KCNH7: variants seen among roughly 807,000 people sequenced by gnomAD.
KCNH7 encodes potassium voltage-gated channel subfamily H member 7.
A neutral mutation model predicts 120.8 loss-of-function variants in KCNH7; 49 were observed. That is an observed-to-expected ratio of 0.41 (90% CI 0.32 to 0.51). KCNH7 has a LOEUF of 0.51. Among genes scored for constraint, KCNH7 ranks in the 20% least tolerant of loss-of-function variants. The pLI is 0.38. For missense variants in KCNH7, 1,097 were observed against 1,446.6 expected (o/e 0.76, Z 3.92); for synonymous variants, 547 against 516.1 (o/e 1.06, Z -0.81).
chr2:162,600,550 A>G (rs1328147102), intron 2 of KCNH7, among the ~76,000 whole-genome samples: 1 of 152,132 alleles, frequency 6.6e-6, no homozygotes, highest in African/African-American at 2.4e-5. Flanking sequence ...ACAAGCCCCT[A>G]AATGCTCTAA....
chr2:162,459,467 T>C (rs1462407490), intron 6 of KCNH7, among the ~76,000 whole-genome samples: 1 of 152,140 alleles, frequency 6.6e-6, no homozygotes, highest in East Asian at 1.9e-4. Flanking sequence ...CCCAGCCCCA[T>C]TTGCAATCAG....
intron 2 of KCNH7, among the ~76,000 whole-genome samples, chr2:162,679,288 G>A (rs886973974): frequency 6.6e-6 from 1 of 151,640 alleles, no homozygotes; most frequent in Non-Finnish European, 1.5e-5. Context: ...TCATCCCAGA[G>A]AACTGTTCAA....
chr2:162,577,337 C>T (rs915651908), intron 2 of KCNH7, among the ~76,000 whole-genome samples: 1 of 122,534 alleles, frequency 8.2e-6, no homozygotes, highest in African/African-American at 2.9e-5. Context: ...ATCTGTCTAT[C>T]ATCTATCCAT....
At chr2:162,709,587 A>C (rs1312256955) in intron 2 of KCNH7, among the ~76,000 whole-genome samples, 1 of 152,126 alleles carries the variant, frequency 6.6e-6, no homozygotes, top group Non-Finnish European at 1.5e-5. Context: ...TAAACTTGGA[A>C]TTCAAGGTCC....
chr2:162,536,886 A>C, intron 3 of KCNH7, 39 bp downstream of exon 3: 1 of 1,564,360 alleles, frequency 6.4e-7, no homozygotes, highest in South Asian at 1.1e-5. Context: ...CAGTAGCAGA[A>C]TTATCAAGAG....
intron 2 of KCNH7, among the ~76,000 whole-genome samples, chr2:162,739,668 G>T (rs1688052054): frequency 1.3e-5 from 2 of 152,156 alleles, no homozygotes; most frequent in African/African-American, 4.8e-5. Flanking sequence ...TCCTGAGTGA[G>T]ACCTGATCAT....
intron 2 of KCNH7, among the ~76,000 whole-genome samples, chr2:162,809,431 T>A (rs1410201821): frequency 2.0e-5 from 3 of 152,174 alleles, no homozygotes; most frequent in African/African-American, 7.2e-5. Context: ...TAGAAATTAT[T>A]GTTCTGCCTC....
At chr2:162,677,209 G>A (rs1685557436) in intron 2 of KCNH7, among the ~76,000 whole-genome samples, 2 of 151,366 alleles carry the variant, frequency 1.3e-5, no homozygotes, top group Admixed American at 1.3e-4. Context: ...TTTATTGTTT[G>A]GCCATTAATT....
At chr2:162,513,533 T>G (rs1408437336) in intron 4 of KCNH7, among the ~76,000 whole-genome samples, 1 of 142,764 alleles carries the variant, frequency 7.0e-6, no homozygotes, top group African/African-American at 2.5e-5. Context: ...TTTCTTCCTT[T>G]CAGGACAAGG....
At chr2:162,683,564 A>G (rs1361745603) in intron 2 of KCNH7, among the ~76,000 whole-genome samples, 1 of 151,904 alleles carries the variant, frequency 6.6e-6, no homozygotes, top group Non-Finnish European at 1.5e-5. Context: ...AGACATTTCT[A>G]ATAAGAGACA....
At chr2:162,657,302 C>A (rs984649211) in intron 2 of KCNH7, among the ~76,000 whole-genome samples, 7 of 152,156 alleles carry the variant, frequency 4.6e-5, no homozygotes, top group African/African-American at 1.4e-4. Flanking sequence ...CCTCTGTTCT[C>A]CACTCTATTC....
At chr2:162,633,963 A>C (rs1226635506) in intron 2 of KCNH7, among the ~76,000 whole-genome samples, 1 of 152,060 alleles carries the variant, frequency 6.6e-6, no homozygotes, top group East Asian at 1.9e-4. Context: ...TAACTTATAT[A>C]AGTTTGACAA....
chr2:162,444,407 C>A (rs1306432668), intron 7 of KCNH7, among the ~76,000 whole-genome samples: 1 of 152,128 alleles, frequency 6.6e-6, no homozygotes, highest in African/African-American at 2.4e-5. Context: ...TAGGTTTCAA[C>A]AGTCTCATTC....
intron 9 of KCNH7, among the ~76,000 whole-genome samples, chr2:162,415,165 A>G (rs1351172828): frequency 6.6e-6 from 1 of 152,026 alleles, no homozygotes; most frequent in African/African-American, 2.4e-5. Context: ...AAAAACAAAA[A>G]ACAAAAAAAC....
intron 2 of KCNH7, among the ~76,000 whole-genome samples, chr2:162,721,450 G>A (rs1473422300): frequency 6.6e-6 from 1 of 152,014 alleles, no homozygotes; most frequent in African/African-American, 2.4e-5. Context: ...ACTAAAAGAT[G>A]CAGACACTAA....
At chr2:162,799,466 A>G (rs888260616) in intron 2 of KCNH7, among the ~76,000 whole-genome samples, 6 of 152,044 alleles carry the variant, frequency 3.9e-5, no homozygotes, top group African/African-American at 1.4e-4. Flanking sequence ...TAAGGTAAAT[A>G]TTAATATATC....
At chr2:162,758,718 A>T (rs1022637416) in intron 2 of KCNH7, among the ~76,000 whole-genome samples, 2 of 152,088 alleles carry the variant, frequency 1.3e-5, no homozygotes, top group Non-Finnish European at 1.5e-5. Flanking sequence ...TCCTATACCA[A>T]AGGCTTTATA....
At chr2:162,813,576 A>AT (rs1464755338) in intron 2 of KCNH7, among the ~76,000 whole-genome samples, 2 of 152,198 alleles carry the variant, frequency 1.3e-5, no homozygotes, top group African/African-American at 2.4e-5. Context: ...GGATTTAATG[A>AT]TTTTTTATCC....
intron 2 of KCNH7, among the ~76,000 whole-genome samples, chr2:162,738,206 CTGA>C (rs143487311): frequency 0.027 from 4,146 of 151,188 alleles, 149 homozygotes; most frequent in African/African-American, 0.082. Flanking sequence ...TGGTCATGTT[CTGA>C]TGATATGTGT....
Sources: gnomAD v4.1 joint callset for allele counts (sites outside exome capture counted in the v4.1 genomes callset) on GRCh38, gnomAD v4.1.1 for gene constraint, MANE v1.5 for transcripts, NCBI Gene and HGNC (gene_info 2026-07-23, HGNC 2026-07-21) for gene names.